Variants in UBR1 observed in about 807,000 individuals in gnomAD.
UBR1 encodes E3 ubiquitin-protein ligase UBR1.
A neutral mutation model predicts 242.1 loss-of-function variants in UBR1; 102 were observed. The ratio of observed to expected loss-of-function variants is 0.42; its 90% CI spans 0.36 to 0.50. The LOEUF (loss-of-function observed/expected upper bound fraction) is 0.50, where lower values mean the gene tolerates loss of function less well. Ranked by LOEUF, UBR1 falls within the 20% of genes least tolerant of loss-of-function variation. UBR1 has a pLI of 0.01. For missense variants in UBR1, 1,772 were observed against 2,101.8 expected (o/e 0.84, Z 3.07); for synonymous variants, 675 against 684.8 (o/e 0.99, Z 0.22).
intron 3 of UBR1, among the ~76,000 whole-genome samples, chr15:43,078,148 GAA>G (rs1383470974): frequency 6.6e-6 from 1 of 152,168 alleles, no homozygotes; most frequent in African/African-American, 2.4e-5. Flanking sequence ...CCCCAAAAGA[GAA>G]AGCCCAATGC....
chr15:42,976,721 G>C lies in UBR1; in HGVS notation c.4365C>G (p.Asp1455Glu), dbSNP rs2141266895. The stretch of plus-strand genomic sequence containing the variant: ...ACACCCAGATGAAAACCTTACCTGT[G>C]TCTACTGTAAGTAGTATCTGAAGCA... ...AHMLQILLTV[D>E]TGLPLAQVQE... is the part of the protein sequence containing the mutation. The change falls in exon 39 of 47, where the codon GAC becomes GAG. Residue 1455 changes from aspartate (D) to glutamate (E), a missense_variant. Asp to Glu is a conservative substitution (Grantham distance 45). Transcript: ENST00000290650. 1 of 1,614,030 alleles carries C rather than the reference G, an allele frequency of 6.2e-7. No individual in the cohort carries two copies. The highest frequency in any genetic ancestry group is 8.5e-7 in the Non-Finnish European group (1 of 1,179,980).
intron 5 of UBR1, among the ~76,000 whole-genome samples, chr15:43,069,338 G>A (rs896221664): frequency 6.6e-5 from 10 of 151,282 alleles, no homozygotes; most frequent in Admixed American, 1.3e-4. Context: ...GTGCAGTGGC[G>A]CAATCTCGGC....
intron 29 of UBR1, among the ~76,000 whole-genome samples, chr15:43,013,930 G>C (rs1000825579): frequency 2.0e-5 from 3 of 148,468 alleles, no homozygotes; most frequent in African/African-American, 7.5e-5. Context: ...CTCTGATGCC[G>C]AGCTGAAGCT....
intron 44 of UBR1, among the ~76,000 whole-genome samples, chr15:42,953,398 A>G (rs2031865991): frequency 6.6e-6 from 1 of 152,240 alleles, no homozygotes; most frequent in Admixed American, 6.5e-5. Context: ...AAAGAAGATC[A>G]GAAAGAATCT....
At chr15:42,996,264 C>T (rs1179282333) in intron 33 of UBR1, among the ~76,000 whole-genome samples, 1 of 152,076 alleles carries the variant, frequency 6.6e-6, no homozygotes, top group East Asian at 1.9e-4. Flanking sequence ...GTAACATGCA[C>T]ACATATGAGG....
rs1412959468 is a variant in UBR1, at chr15:43,074,834, A to T, written c.528+145T>A. 4 of 668,428 alleles carry T rather than the reference A, an allele frequency of 6.0e-6. No homozygotes were observed. In the East Asian group the frequency reaches 1.0e-4, roughly 17 times the overall value. 41.4% of individuals were successfully genotyped at this position (668,428 alleles called of 1,614,324 possible). A position where few individuals can be genotyped will look rare whatever the true frequency, so the allele number is the denominator to read the frequency against. Reference sequence around the variant, plus strand: ...ATTATCAAATCCTTAGTTTCTTTGGAGCTAGAAAAAAAGCCTCCTTACACC... The same window carrying T: ...ATTATCAAATCCTTAGTTTCTTTGGTGCTAGAAAAAAAGCCTCCTTACACC... On this transcript the variant is annotated intron_variant, in intron 4 of 46. Transcript: ENST00000290650.
intron 15 of UBR1, among the ~76,000 whole-genome samples, chr15:43,040,671 GAGAAA>G (rs1941184979): frequency 1.1e-4 from 16 of 152,064 alleles, no homozygotes; most frequent in Non-Finnish European, 1.8e-4. Flanking sequence ...TACAGAATGG[GAGAAA>G]ATTTTTGCAA....
At chr15:42,996,339 G>A (rs913939837) in intron 33 of UBR1, among the ~76,000 whole-genome samples, 3 of 152,196 alleles carry the variant, frequency 2.0e-5, no homozygotes, top group East Asian at 1.9e-4. Flanking sequence ...GCTCATGCCT[G>A]TAATCCTGGT....
chr15:43,022,475 T>C (rs2033122676), intron 26 of UBR1, among the ~76,000 whole-genome samples: 1 of 149,618 alleles, frequency 6.7e-6, no homozygotes, highest in South Asian at 2.1e-4. Context: ...AGTAAAAAGA[T>C]TGTAGTAAAG....
intron 3 of UBR1, among the ~76,000 whole-genome samples, chr15:43,078,698 T>G (rs2033936414): frequency 6.6e-6 from 1 of 152,146 alleles, no homozygotes; most frequent in Non-Finnish European, 1.5e-5. Flanking sequence ...CCAGGCACAG[T>G]GGCTCATGCC....
intron 45 of UBR1, among the ~76,000 whole-genome samples, chr15:42,950,952 T>C (rs1038176161): frequency 2.0e-5 from 3 of 152,194 alleles, no homozygotes; most frequent in African/African-American, 7.2e-5. Context: ...AGATAAATTA[T>C]AAAATAAACA....
chr15:43,071,380 T>C (rs1170476120), intron 4 of UBR1, among the ~76,000 whole-genome samples: 1 of 152,194 alleles, frequency 6.6e-6, no homozygotes, highest in African/African-American at 2.4e-5. Context: ...TACTATATGA[T>C]TCTGCTCATA....
intron 42 of UBR1, among the ~76,000 whole-genome samples, chr15:42,961,137 A>T: frequency 1.6e-5 from 2 of 121,570 alleles, no homozygotes; most frequent in African/African-American, 3.3e-5. Flanking sequence ...TTGTTTTGAG[A>T]CAGTTTTGCT....
intron 42 of UBR1, among the ~76,000 whole-genome samples, chr15:42,961,921 A>ATTTTTTTTTTTTTTTTTTTTTTTTTTT (rs57244897): frequency 7.5e-6 from 1 of 133,464 alleles, no homozygotes. Context: ...TGCCCAGCTA[A>ATTTTTTTTTTTTTTTTTTTTTTTTTTT]TTTTTTTTTT....
At chr15:42,988,133 T>TTCCCC (rs2032502666) in intron 35 of UBR1, among the ~76,000 whole-genome samples, 1 of 152,200 alleles carries the variant, frequency 6.6e-6, no homozygotes, top group African/African-American at 2.4e-5. Context: ...TGACTTTGGT[T>TTCCCC]TCCCCTCACT....
chr15:43,026,528 G>A, intron 23 of UBR1, 33 bp downstream of exon 23: 1 of 1,578,074 alleles, frequency 6.3e-7, no homozygotes, highest in African/African-American at 1.3e-5. Flanking sequence ...AAAGCATTTA[G>A]GTTTATTTAC....
chr15:43,014,275 C>T (rs1169178351), intron 29 of UBR1, among the ~76,000 whole-genome samples: 1 of 152,244 alleles, frequency 6.6e-6, no homozygotes, highest in African/African-American at 2.4e-5. Context: ...CCCAAAGTGC[C>T]GAGATTGCAG....
At chr15:43,053,483 T>C (rs188581958) in intron 12 of UBR1, among the ~76,000 whole-genome samples, 223 of 152,366 alleles carry the variant, frequency 1.5e-3, no homozygotes, top group Non-Finnish European at 2.9e-3. Context: ...AAGTTTTGCA[T>C]AATTTGGCTG....
intron 9 of UBR1, 34 bp from the exon 10 acceptor site, chr15:43,058,463 G>A (rs746609403): frequency 2.6e-6 from 4 of 1,537,474 alleles, no homozygotes; most frequent in Middle Eastern, 1.7e-4. Context: ...GGGGGAATGA[G>A]GAGAATCACC....
Sources: gnomAD v4.1 joint callset for allele counts (sites outside exome capture counted in the v4.1 genomes callset) on GRCh38, gnomAD v4.1.1 for gene constraint, MANE v1.5 for transcripts, NCBI Gene and HGNC (gene_info 2026-07-23, HGNC 2026-07-21) for gene names.